The following BCAS3 variants were observed in gnomAD, a reference collection of about 807,000 sequenced individuals.
BCAS3 encodes the protein BCAS3 microtubule associated cell migration factor.
Under a neutral mutation model 116.1 loss-of-function variants are expected in BCAS3, and 53 were observed. The ratio of observed to expected loss-of-function variants is 0.46; its 90% confidence interval spans 0.37 to 0.57. The LOEUF is 0.57. BCAS3 is among the 20% of genes least tolerant of loss of function. The pLI, the probability that BCAS3 is intolerant of heterozygous loss-of-function variation, is 0.00. For missense variants in BCAS3, 917 were observed against 1,165.4 expected (o/e 0.79, Z 3.10); for synonymous variants, 391 against 408.2 (o/e 0.96, Z 0.51).
intron 14 of BCAS3, among the ~76,000 whole-genome samples, chr17:60,978,394 G>C (rs1268462486): frequency 6.6e-6 from 1 of 151,158 alleles, no homozygotes; most frequent in Non-Finnish European, 1.5e-5. Context: ...TGTAGATTCT[G>C]GATATTAGCC....
chr17:61,353,494 C>T (rs1025818505), intron 22 of BCAS3: 2 of 152,262 alleles, frequency 1.3e-5, no homozygotes, highest in Non-Finnish European at 2.9e-5. Flanking sequence ...TGGGGTTCTC[C>T]AGTCTAAGTT....
intron 6 of BCAS3, among the ~76,000 whole-genome samples, chr17:60,802,292 AAAAAT>A (rs2047859645): frequency 7.2e-6 from 1 of 138,516 alleles, no homozygotes; most frequent in African/African-American, 3.1e-5. Context: ...TCAAAAAAAA[AAAAAT>A]ATATATATAT....
chr17:60,869,607 A>G (rs1041087965), intron 8 of BCAS3, among the ~76,000 whole-genome samples: 4 of 152,180 alleles, frequency 2.6e-5, no homozygotes, highest in African/African-American at 7.2e-5. Flanking sequence ...TGATACTAAT[A>G]AGAGAAATAT....
At position 61,366,873 on chromosome 17, in the gene BCAS3, G is replaced by A. The variant is rs754296551; in HGVS notation, c.2426-1454G>A. Among the ~76,000 whole-genome samples the A allele has an allele frequency of 3.9e-5, 6 of 152,214 alleles. No individual in the cohort carries two copies. The highest frequency in any genetic ancestry group is 1.2e-4 in the African/African-American group (5 of 41,456). ...GTGACCCTTGCCACACATATAAATC[G>A]CAGCAGGCTGGCCAAGGGCCTTTGT... is the stretch of plus-strand genomic sequence containing the variant. On this transcript the variant is annotated intron_variant, in intron 22 of 23. Coordinates refer to ENST00000407086, the MANE Select transcript of BCAS3 (RefSeq NM_017679.5). The surrounding 1 kb of genome is among the most constrained non-coding windows in gnomAD (Gnocchi z 4.5).
At chr17:61,257,463 A>G (rs2048880875) in intron 22 of BCAS3, among the ~76,000 whole-genome samples, 1 of 148,126 alleles carries the variant, frequency 6.8e-6, no homozygotes, top group African/African-American at 2.5e-5. Flanking sequence ...CTGGCATTCC[A>G]CCCATGTCTT....
intron 22 of BCAS3, among the ~76,000 whole-genome samples, chr17:61,246,571 G>A (rs1284682587): frequency 6.6e-6 from 1 of 151,600 alleles, no homozygotes; most frequent in Non-Finnish European, 1.5e-5. Flanking sequence ...CAATGTAGGA[G>A]CCTTGGTGTT....
intron 10 of BCAS3, among the ~76,000 whole-genome samples, chr17:60,895,296 A>G (rs997655978): frequency 3.9e-5 from 6 of 152,016 alleles, no homozygotes; most frequent in Non-Finnish European, 8.8e-5. Flanking sequence ...GTTAGGTTGT[A>G]TGTTTCCAGG....
At chr17:60,881,786 CT>C (rs2056185007) in intron 9 of BCAS3, among the ~76,000 whole-genome samples, 1 of 149,842 alleles carries the variant, frequency 6.7e-6, no homozygotes, top group African/African-American at 2.5e-5. Flanking sequence ...TTTTTTATGG[CT>C]GCATAGTATT....
intron 7 of BCAS3, among the ~76,000 whole-genome samples, chr17:60,855,052 C>T (rs1274199223): frequency 2.8e-5 from 4 of 141,280 alleles, no homozygotes; most frequent in East Asian, 2.1e-4. Flanking sequence ...CAGGTTCAAG[C>T]GATTCTCCTG....
At chr17:61,061,372 T>A (rs925169990) in intron 19 of BCAS3, among the ~76,000 whole-genome samples, 2 of 152,238 alleles carry the variant, frequency 1.3e-5, no homozygotes, top group Non-Finnish European at 2.9e-5. Flanking sequence ...TTTTTACATT[T>A]GCAAACATCA....
intron 15 of BCAS3, among the ~76,000 whole-genome samples, chr17:61,000,235 C>T (rs2064144128): frequency 6.6e-6 from 1 of 152,092 alleles, no homozygotes; most frequent in Non-Finnish European, 1.5e-5. Context: ...ATACTTCCAG[C>T]TTCTGCCCAT....
rs1465254346 is a variant in BCAS3, at chr17:61,226,966, G to C, written c.2426-141361G>C. On this transcript the variant is annotated intron_variant, in intron 22 of 23. Coordinates refer to ENST00000407086, the MANE Select transcript of BCAS3 (RefSeq NM_017679.5). The surrounding 1 kb of genome is among the most constrained non-coding windows in gnomAD (Gnocchi z 6.0). The stretch of plus-strand genomic sequence containing the variant: ...CCAGAAATCCAGATAAATAAAATAT[G>C]CTCTGGTGGGCCTTCCTGATGGGAC... Among the ~76,000 whole-genome samples, 1 of 152,156 alleles carries C rather than the reference G, an allele frequency of 6.6e-6. No individual in the cohort carries two copies. The highest frequency in any genetic ancestry group is 1.5e-5 in the Non-Finnish European group (1 of 68,026).
intron 7 of BCAS3, among the ~76,000 whole-genome samples, chr17:60,841,931 C>T (rs1212037245): frequency 2.0e-5 from 3 of 152,034 alleles, no homozygotes; most frequent in Non-Finnish European, 2.9e-5. Flanking sequence ...GACTGGGGAC[C>T]AGCAAATGGA....
chr17:61,164,090 C>A (rs2078336129), intron 22 of BCAS3, among the ~76,000 whole-genome samples: 3 of 103,154 alleles, frequency 2.9e-5, no homozygotes, highest in African/African-American at 6.6e-5. Flanking sequence ...GTGATAAAGA[C>A]ATGACTTTTT....
At chr17:60,927,514 C>T (rs2059425114) in intron 13 of BCAS3, among the ~76,000 whole-genome samples, 1 of 152,190 alleles carries the variant, frequency 6.6e-6, no homozygotes, top group Non-Finnish European at 1.5e-5. Context: ...CTCGGTCTCC[C>T]AAAGTGCTGG....
chr17:60,820,442 C>G (rs1206977395), intron 7 of BCAS3, among the ~76,000 whole-genome samples: 1 of 152,094 alleles, frequency 6.6e-6, no homozygotes, highest in Admixed American at 6.5e-5. Flanking sequence ...CCCACTGATG[C>G]AATTCATAGG....
chr17:60,961,845 C>T lies in BCAS3; in HGVS notation c.1221+14493C>T, dbSNP rs2145309502. On this transcript the variant is annotated intron_variant, in intron 14 of 23. Coordinates refer to ENST00000407086, the MANE Select transcript of BCAS3 (RefSeq NM_017679.5). The surrounding 1 kb of genome is among the most constrained non-coding windows in gnomAD (Gnocchi z 4.8). ...CGAGGCTTGAGGAAGGCACATCTCA[C>T]ACAGCAGTGTGAAAACCCACTCATC... Among the ~76,000 whole-genome samples the T allele has an allele frequency of 6.6e-6, 1 of 151,926 alleles. No individual in the cohort carries two copies. Among genetic ancestry groups the T allele is most frequent in the Admixed American group, 6.6e-5 (1 of 15,262 alleles).
intron 22 of BCAS3, among the ~76,000 whole-genome samples, chr17:61,160,301 A>G (rs1336799386): frequency 6.6e-6 from 1 of 151,006 alleles, no homozygotes. Context: ...TTTTTAATTT[A>G]CTGGATAACC....
intron 22 of BCAS3, among the ~76,000 whole-genome samples, chr17:61,174,537 A>G (rs1206167492): frequency 6.6e-6 from 1 of 152,186 alleles, no homozygotes; most frequent in African/African-American, 2.4e-5. Context: ...GTGCATATGT[A>G]CCACATTTTC....
Sources: gnomAD v4.1 joint callset for allele counts (sites outside exome capture counted in the v4.1 genomes callset) on GRCh38, gnomAD v4.1.1 for gene constraint, Gnocchi (gnomAD v3.1) non-coding constraint, MANE v1.5 for transcripts, NCBI Gene and HGNC (gene_info 2026-07-23, HGNC 2026-07-21) for gene names.